Variants in CSMD1 observed in about 807,000 individuals in gnomAD.
The protein encoded by CSMD1 is CUB and Sushi multiple domains 1.
Under a neutral mutation model 417.5 loss-of-function variants are expected in CSMD1, and 213 were observed. That is an observed-to-expected ratio of 0.51 (90% CI 0.46 to 0.57). CSMD1 has a LOEUF of 0.57. Ranked by LOEUF, CSMD1 falls within the 20% of genes least tolerant of loss-of-function variation. The pLI is 0.00. For synonymous variants in CSMD1, 2,862 were observed against 1,736.8 expected, an observed-to-expected ratio of 1.65 and a Z score of -16.11; for missense variants, 6,923 against 4,529.7, an observed-to-expected ratio of 1.53 and a Z score of -15.17.
intron 29 of CSMD1, among the ~76,000 whole-genome samples, chr8:3,215,769 G>C (rs1011562725): frequency 1.3e-5 from 2 of 152,016 alleles, no homozygotes; most frequent in Non-Finnish European, 2.9e-5. Context: ...CACCCTGCTA[G>C]AAATAGATAA....
At chr8:3,582,695 A>T (rs1161264579) in intron 9 of CSMD1, among the ~76,000 whole-genome samples, 1 of 152,218 alleles carries the variant, frequency 6.6e-6, no homozygotes, top group Non-Finnish European at 1.5e-5. Flanking sequence ...ACAAAGTATG[A>T]AAAAAAGAAA....
At chr8:4,990,086 G>C (rs753752032) in intron 1 of CSMD1, among the ~76,000 whole-genome samples, 5 of 152,086 alleles carry the variant, frequency 3.3e-5, no homozygotes, top group Non-Finnish European at 7.4e-5. Context: ...TTGAGACATG[G>C]GGGAATTCTA....
At chr8:4,182,209 A>G (rs1459043928) in intron 3 of CSMD1, among the ~76,000 whole-genome samples, 1 of 152,156 alleles carries the variant, frequency 6.6e-6, no homozygotes, top group Non-Finnish European at 1.5e-5. Flanking sequence ...TTTCATTCTC[A>G]GTTTACTTTA....
chr8:4,523,213 C>G (rs1228109798), intron 2 of CSMD1, among the ~76,000 whole-genome samples: 1 of 152,182 alleles, frequency 6.6e-6, no homozygotes, highest in African/African-American at 2.4e-5. Context: ...GACATGTTCA[C>G]AGTCTTCTGT....
At chr8:4,183,271 C>A (rs1465907183) in intron 3 of CSMD1, among the ~76,000 whole-genome samples, 1 of 152,080 alleles carries the variant, frequency 6.6e-6, no homozygotes, top group Non-Finnish European at 1.5e-5. Flanking sequence ...AAATTTAATT[C>A]TGTAAAAAAA....
rs530704609 is a variant in CSMD1 at position 4,782,191 on chromosome 8, T to C, written c.86-144633A>G. ...AGGAAGAAAGAGTTCTGCTGTTCTA[T>C]TGCACAGTAGAGTGACTCTGCTTAA... On this transcript the variant is annotated intron_variant, in intron 1 of 69. Coordinates refer to ENST00000635120, the MANE Select transcript of CSMD1 (RefSeq NM_033225.6). Among the ~76,000 whole-genome samples the C allele has an allele frequency of 5.9e-5, 9 of 152,298 alleles. No homozygotes were observed. In the East Asian group the frequency reaches 9.7e-4, roughly 16 times the overall value.
At chr8:4,399,959 C>T (rs113223954) in intron 3 of CSMD1, among the ~76,000 whole-genome samples, 103 of 152,180 alleles carry the variant, frequency 6.8e-4, no homozygotes, top group African/African-American at 2.3e-3. Context: ...CTCTCTGGAC[C>T]AATGTATTAG....
chr8:3,513,469 G>A (rs937750549), intron 10 of CSMD1, among the ~76,000 whole-genome samples: 2 of 152,016 alleles, frequency 1.3e-5, no homozygotes, highest in Non-Finnish European at 2.9e-5. Context: ...GGGATTACAG[G>A]CCTGTTGTGG....
intron 25 of CSMD1, among the ~76,000 whole-genome samples, chr8:3,291,254 G>T (rs973964369): frequency 6.6e-6 from 1 of 152,042 alleles, no homozygotes; most frequent in Non-Finnish European, 1.5e-5. Context: ...TTTTTGCATC[G>T]ATGTTCATAA....
chr8:3,961,301 G>C (rs1812304274), intron 5 of CSMD1, among the ~76,000 whole-genome samples: 1 of 152,136 alleles, frequency 6.6e-6, no homozygotes, highest in South Asian at 2.1e-4. Flanking sequence ...AGTTATATGA[G>C]CATAAAAGTC....
intron 5 of CSMD1, among the ~76,000 whole-genome samples, chr8:3,893,364 A>ATATATATATATATATATATATATT (rs1807124067): frequency 5.3e-5 from 2 of 37,676 alleles, no homozygotes; most frequent in Non-Finnish European, 1.3e-4. Flanking sequence ...TATATATATT[A>ATATATATATATATATATATATATT]TTTTTTTTCT....
chr8:3,048,446 T>C (rs890660192), intron 50 of CSMD1, among the ~76,000 whole-genome samples: 11 of 152,022 alleles, frequency 7.2e-5, no homozygotes, highest in African/African-American at 2.7e-4. Context: ...ATCTAGTCAA[T>C]GAACTTCGAG....
intron 3 of CSMD1, among the ~76,000 whole-genome samples, chr8:4,150,255 C>G (rs1296275789): frequency 6.6e-6 from 1 of 152,194 alleles, no homozygotes; most frequent in East Asian, 1.9e-4. Flanking sequence ...CTCCCTCCAG[C>G]CTGCATTCCC....
intron 26 of CSMD1, among the ~76,000 whole-genome samples, chr8:3,239,899 G>C (rs1001994548): frequency 1.4e-4 from 22 of 152,086 alleles, no homozygotes; most frequent in East Asian, 5.8e-4. Context: ...ATTGAAGTCC[G>C]GGCCAGGAAC....
chr8:3,938,644 A>T (rs949238069), intron 5 of CSMD1, among the ~76,000 whole-genome samples: 2 of 152,184 alleles, frequency 1.3e-5, no homozygotes, highest in African/African-American at 4.8e-5. Flanking sequence ...AGGTCACTGC[A>T]AGTCTCTTTG....
chr8:3,531,058 G>T (rs1333095699), intron 10 of CSMD1, among the ~76,000 whole-genome samples: 1 of 143,168 alleles, frequency 7.0e-6, no homozygotes, highest in African/African-American at 2.6e-5. Flanking sequence ...AAGGGGTTTT[G>T]CCATGTTGGC....
chr8:4,215,683 G>T (rs1002652800), intron 3 of CSMD1, among the ~76,000 whole-genome samples: 2 of 152,048 alleles, frequency 1.3e-5, no homozygotes. Flanking sequence ...TAAAAACACA[G>T]ACTTTAATAT....
At chr8:3,280,527 C>T (rs7827902) in intron 26 of CSMD1, among the ~76,000 whole-genome samples, 114,214 of 152,072 alleles carry the variant, frequency 0.75, 43,273 homozygotes, top group Admixed American at 0.84. Flanking sequence ...ATGTTATATT[C>T]TAGCCCCTAA....
chr8:3,275,721 C>A (rs1026745107), intron 26 of CSMD1, among the ~76,000 whole-genome samples: 1 of 152,158 alleles, frequency 6.6e-6, no homozygotes, highest in Admixed American at 6.6e-5. Context: ...TTGATCGCAT[C>A]GGCTCCTGAG....
Sources: allele counts gnomAD v4.1 joint callset (sites outside exome capture counted in the v4.1 genomes callset), GRCh38; gene constraint gnomAD v4.1.1; transcripts MANE v1.5; gene names NCBI Gene and HGNC (gene_info 2026-07-23, HGNC 2026-07-21).